MTMR10: variants seen among roughly 807,000 people sequenced by gnomAD.
MTMR10 encodes the protein myotubularin related protein 10.
In MTMR10, 56 loss-of-function variants were observed where a neutral mutation model predicts 88.1. The ratio of observed to expected loss-of-function variants is 0.64; its 90% confidence interval spans 0.51 to 0.79. The LOEUF (loss-of-function observed/expected upper bound fraction) is 0.79, where lower values mean the gene tolerates loss of function less well. MTMR10 is among the 30% of genes least tolerant of loss of function. MTMR10 has a pLI of 0.00. For synonymous variants in MTMR10, 380 were observed against 340.9 expected (o/e 1.11, Z -1.26); for missense variants, 883 against 924.7 (o/e 0.95, Z 0.58).
At chr15:30,933,568 G>A in the MTMR10 span, among the ~76,000 whole-genome samples, 8 of 152,298 alleles carry the variant, frequency 5.3e-5, no homozygotes, top group East Asian at 1.5e-3. Flanking sequence ...TGAATATTCT[G>A]TTTGTACTTG....
intron 2 of MTMR10, among the ~76,000 whole-genome samples, chr15:30,979,921 A>G (rs1027809654): frequency 2.0e-5 from 3 of 152,238 alleles, no homozygotes; most frequent in African/African-American, 7.2e-5. Context: ...ACATAGCCAT[A>G]CTCATTTGTT....
At chr15:30,985,814 T>C (rs187593793) in intron 2 of MTMR10, among the ~76,000 whole-genome samples, 71 of 152,288 alleles carry the variant, frequency 4.7e-4, no homozygotes, top group Non-Finnish European at 8.5e-4. Flanking sequence ...TTTCAACAGA[T>C]TCTTCTGGAA....
chr15:30,925,649 G>C, the MTMR10 span: 1 of 968,152 alleles, frequency 1.0e-6, no homozygotes, highest in Non-Finnish European at 1.6e-6. Context: ...GCAGTTCTGC[G>C]TGTGTGAGCC....
Position 30,955,696 on chromosome 15 carries a change from C to T in MTMR10, c.936-803G>A, listed in dbSNP as rs543839848. On this transcript the variant is annotated intron_variant, in intron 9 of 15. Transcript: ENST00000435680. The stretch of plus-strand genomic sequence containing the variant: ...TTAGATTAAGGAGACCCTACACTCC[C>T]ACATCTTTCCACATGATGTAGACAG... Among the ~76,000 whole-genome samples, 16 of 152,302 alleles carry T rather than the reference C, an allele frequency of 1.1e-4. No homozygotes were observed. In the East Asian group the frequency reaches 2.9e-3, roughly 28 times the overall value.
rs1210128880 is a variant in MTMR10 at position 30,953,645 on chromosome 15, T to C, written c.1067-14A>G. The C allele has an allele frequency of 7.4e-6, 11 of 1,477,368 alleles. No homozygotes were observed. The highest frequency in any genetic ancestry group is 7.4e-5 in the East Asian group (3 of 40,528). The allele number at this position is 1,477,368 out of a possible 1,614,324, so 91.5% of individuals were successfully genotyped here. A position where few individuals can be genotyped will look rare whatever the true frequency, so the allele number is the denominator to read the frequency against. On this transcript the variant is annotated splice_polypyrimidine_tract_variant and intron_variant, in intron 10 of 15. Coordinates refer to ENST00000435680, the MANE Select transcript of MTMR10 (RefSeq NM_017762.3). ...CTTCAAAAGGCTCTGTAATAAATTA[T>C]ATACATACACATTTTTACTTTTTAT...
At chr15:30,980,822 A>T (rs1250142899) in intron 2 of MTMR10, among the ~76,000 whole-genome samples, 3 of 152,226 alleles carry the variant, frequency 2.0e-5, no homozygotes, top group Non-Finnish European at 1.5e-5. Flanking sequence ...CCAAAGCTGG[A>T]ACAATCTGAG....
chr15:30,990,749 ATC>A (rs1470049941), intron 2 of MTMR10, 26 bp downstream of exon 2: 3 of 1,588,958 alleles, frequency 1.9e-6, no homozygotes, highest in African/African-American at 1.3e-5. Flanking sequence ...TTGCTAAAGT[ATC>A]TGTTAGAATC....
At chr15:30,953,037 G>A (rs1465425361) in intron 11 of MTMR10, among the ~76,000 whole-genome samples, 3 of 151,898 alleles carry the variant, frequency 2.0e-5, no homozygotes, top group African/African-American at 7.3e-5. Flanking sequence ...TGAGCCACCC[G>A]CCTTGGCCTC....
rs565041149 is a variant in MTMR10 at position 30,958,850 on chromosome 15, A to G, written c.935+13T>C. The G allele has an allele frequency of 6.2e-6, 10 of 1,612,424 alleles. No individual in the cohort carries two copies. In the African/African-American group the frequency reaches 6.7e-5, roughly 11 times the overall value. On this transcript the variant is annotated intron_variant, in intron 9 of 15. Coordinates refer to ENST00000435680, the MANE Select transcript of MTMR10 (RefSeq NM_017762.3). ...AAAACTATCTAAAGTGACAATGACCATTTCTCAATTACCTCTGGTCAATCT... is the reference window on the plus strand; with the variant it reads ...AAAACTATCTAAAGTGACAATGACCGTTTCTCAATTACCTCTGGTCAATCT...
At chr15:30,962,527 T>TGCTAATATTAC in intron 6 of MTMR10, among the ~76,000 whole-genome samples, 5 of 151,766 alleles carry the variant, frequency 3.3e-5, no homozygotes, top group Admixed American at 6.6e-5. Context: ...ATGGCTTCTC[T>TGCTAATATTAC]TGGCCTTAGA....
chr15:30,943,173 A>G (rs1228850694), intron 14 of MTMR10, 101 bp from the exon 15 acceptor site: 8 of 1,446,576 alleles, frequency 5.5e-6, no homozygotes, highest in Non-Finnish European at 7.3e-6. Flanking sequence ...AATGTTCTGT[A>G]CTGCAGCCCT....
chr15:30,940,976 C>T lies in MTMR10; in HGVS notation c.*494G>A. The T allele has an allele frequency of 9.0e-7, 1 of 1,115,868 alleles. No individual in the cohort carries two copies. Among genetic ancestry groups the T allele is most frequent in the Non-Finnish European group, 1.1e-6 (1 of 905,152 alleles). 69.1% of individuals were successfully genotyped at this position (1,115,868 alleles called of 1,614,324 possible). A position where few individuals can be genotyped will look rare whatever the true frequency, so the allele number is the denominator to read the frequency against. On this transcript the variant is annotated 3_prime_UTR_variant, in exon 16 of 16. Transcript: ENST00000435680. ...GTGATCTAAAATCATAAATTCTGGC[C>T]CCAGAACACTGAACCTTCATCAGGT...
intron 5 of MTMR10, among the ~76,000 whole-genome samples, chr15:30,974,062 C>T (rs1391720979): frequency 6.6e-6 from 1 of 152,100 alleles, no homozygotes. Context: ...TAAAAAAATG[C>T]TAATTTCCAC....
At position 30,941,816 on chromosome 15, in the gene MTMR10, C is replaced by T. The variant is rs2063065433; in HGVS notation, c.1988G>A (p.Arg663His). ...GCTGATCTGGGCCTCGGGAACCCAG[C>T]GGAAGTAGCACAGTTTCCACAGTTT... is the stretch of plus-strand genomic sequence containing the variant. ...HIKLWKLCYF[R>H]WVPEAQISLG... The change falls in exon 16 of 16, where the codon CGC becomes CAC. Residue 663 changes from arginine (R) to histidine (H), a missense_variant. Arg to His is a conservative substitution (Grantham distance 29). This residue lies in a region of MTMR10 where 343 missense variants were observed against 323.2 expected (regional missense o/e 1.06). Transcript: ENST00000435680. 7.4e-6 allele frequency: 12 copies of T among 1,614,002 alleles called. No individual in the cohort carries two copies. The highest frequency in any genetic ancestry group is 1.0e-5 in the Non-Finnish European group (12 of 1,179,900).
intron 9 of MTMR10, among the ~76,000 whole-genome samples, chr15:30,956,583 G>A (rs2063330980): frequency 1.3e-5 from 2 of 152,236 alleles, no homozygotes; most frequent in African/African-American, 4.8e-5. Flanking sequence ...GGGCCCTGTG[G>A]CAGGTAACAA....
the MTMR10 span, chr15:30,926,919 G>A: frequency 1.0e-5 from 10 of 985,446 alleles, no homozygotes; most frequent in Non-Finnish European, 1.2e-5. Flanking sequence ...GGAATTTTGT[G>A]TCAGAGCGAT....
At chr15:30,947,326 A>C (rs2063185695) in intron 13 of MTMR10, 26 bp from the exon 14 acceptor site, 6 of 1,606,680 alleles carry the variant, frequency 3.7e-6, no homozygotes, top group Non-Finnish European at 5.1e-6. Flanking sequence ...AGACAATGGG[A>C]TCATTTAATG....
At chr15:30,934,986 T>G (rs148140690), downstream of MTMR10, among the ~76,000 whole-genome samples, 726 of 152,296 alleles carry the variant, frequency 4.8e-3, 7 homozygotes, top group African/African-American at 0.017. Flanking sequence ...GCTATTCTTT[T>G]GTGTAGATCC....
In MTMR10 at chr15:30,959,082, G is replaced by A; in HGVS notation, c.798C>T (p.Asp266=). 6.2e-7 allele frequency: 1 copy of A among 1,609,958 alleles called. No homozygotes were observed. Among genetic ancestry groups the A allele is most frequent in the East Asian group, 2.2e-5 (1 of 44,780 alleles). The stretch of plus-strand genomic sequence containing the variant: ...AATGGGAAAAGATCTTTAGATCTTG[G>A]TCTGCTAAAGAACTTGGCACTACAA... The part of the protein sequence containing the change: ...EYIVVPSSLA[D]QDLKIFSHSF... The change falls in exon 8 of 16, where the codon GAC becomes GAT. Residue 266 remains aspartate, a synonymous_variant. Coordinates refer to ENST00000435680, the MANE Select transcript of MTMR10 (RefSeq NM_017762.3).
Sources: allele counts gnomAD v4.1 joint callset (sites outside exome capture counted in the v4.1 genomes callset), GRCh38; gene constraint gnomAD v4.1.1; regional missense constraint gnomAD v4.1.1; transcripts MANE v1.5; gene names NCBI Gene and HGNC (gene_info 2026-07-23, HGNC 2026-07-21).